The following ATP2A2 variants were observed in gnomAD, a reference collection of about 807,000 sequenced individuals.
The protein encoded by ATP2A2 is ATPase sarcoplasmic/endoplasmic reticulum Ca2+ transporting 2.
Under a neutral mutation model 109.3 loss-of-function variants are expected in ATP2A2, and 14 were observed. That is an observed-to-expected ratio of 0.13 (90% CI 0.08 to 0.20). The LOEUF is 0.20. ATP2A2 is among the 10% of genes least tolerant of loss of function. ATP2A2 has a pLI of 1.00. For missense variants in ATP2A2, 657 were observed against 1,321.6 expected, an observed-to-expected ratio of 0.50 and a Z score of 7.80; for synonymous variants, 506 against 490.9, an observed-to-expected ratio of 1.03 and a Z score of -0.41.
At chr12:110,291,992 A>C in intron 3 of ATP2A2, 28 bp from the exon 4 acceptor site, 3 of 1,588,240 alleles carry the variant, frequency 1.9e-6, no homozygotes, top group Non-Finnish European at 2.6e-6. Flanking sequence ...CTAAAAAGAC[A>C]CATTCTAACG....
In ATP2A2 at chr12:110,349,013, G is replaced by T; in HGVS notation, c.*2543G>T. 2 of 985,324 alleles carry T rather than the reference G, an allele frequency of 2.0e-6. No homozygotes were observed. Among genetic ancestry groups the T allele is most frequent in the Non-Finnish European group, 2.4e-6 (2 of 829,936 alleles). 61.0% of individuals were successfully genotyped at this position (985,324 alleles called of 1,614,324 possible). A position where few individuals can be genotyped will look rare whatever the true frequency, so the allele number is the denominator to read the frequency against. On this transcript the variant is annotated 3_prime_UTR_variant, in exon 20 of 20. Coordinates refer to ENST00000539276, the MANE Select transcript of ATP2A2 (RefSeq NM_170665.4). ...GTTGAGTAGTGTGTGGCCTGCTGTC[G>T]CACAGCCCCTAGTTAGCTTCATGGT...
intron 8 of ATP2A2, among the ~76,000 whole-genome samples, chr12:110,329,143 A>T (rs1396796481): frequency 6.6e-6 from 1 of 152,252 alleles, no homozygotes; most frequent in East Asian, 1.9e-4. Flanking sequence ...ATCCTCCAGT[A>T]TACTTGAAAA....
upstream of ATP2A2, chr12:110,280,862 C>T (rs959508391): frequency 1.3e-5 from 2 of 152,428 alleles, no homozygotes; most frequent in Admixed American, 6.5e-5. Flanking sequence ...CGAGACGCCC[C>T]GCGTGGACCG....
In ATP2A2 at chr12:110,342,215, C is replaced by G; in HGVS notation, c.2098-13C>G. ...TGCCAGTTGGCTGACCCAACCATTG[C>G]TTTCCCTTTCAGACTGGCGATGGCG... is the stretch of plus-strand genomic sequence containing the variant. On this transcript the variant is annotated splice_polypyrimidine_tract_variant and intron_variant, in intron 14 of 19. Coordinates refer to ENST00000539276, the MANE Select transcript of ATP2A2 (RefSeq NM_170665.4). The surrounding 1 kb of genome is among the most constrained non-coding windows in gnomAD (Gnocchi z 4.6). The G allele has an allele frequency of 6.2e-7, 1 of 1,614,230 alleles. No homozygotes were observed.
At chr12:110,284,362 C>G (rs889349110) in intron 3 of ATP2A2, among the ~76,000 whole-genome samples, 3 of 152,144 alleles carry the variant, frequency 2.0e-5, no homozygotes, top group Admixed American at 6.6e-5. Flanking sequence ...CCGATAAGGT[C>G]ATTGGGAACT....
At chr12:110,297,083 C>T (rs1334114323) in intron 5 of ATP2A2, among the ~76,000 whole-genome samples, 3 of 152,158 alleles carry the variant, frequency 2.0e-5, no homozygotes, top group Non-Finnish European at 4.4e-5. Flanking sequence ...AATGACGACA[C>T]AGTTTTTCCT....
intron 11 of ATP2A2, among the ~76,000 whole-genome samples, chr12:110,335,829 G>A (rs1017955024): frequency 2.6e-5 from 4 of 152,232 alleles, no homozygotes; most frequent in Admixed American, 6.5e-5. Context: ...CAAAGTCTAT[G>A]TCTGGTTCCT....
Position 110,343,345 on chromosome 12 carries a change from C to T in ATP2A2, c.2432C>T (p.Pro811Leu). The T allele has an allele frequency of 6.2e-7, 1 of 1,614,204 alleles. No homozygotes were observed. The highest frequency in any genetic ancestry group is 8.5e-7 in the Non-Finnish European group (1 of 1,180,054). ...LPATALGFNP[P>L]DLDIMNKPPR... ...GCCACTGCACTGGGGTTCAACCCTCCTGATCTGGACATCATGAATAAACCT... is the reference window on the plus strand; with the variant it reads ...GCCACTGCACTGGGGTTCAACCCTCTTGATCTGGACATCATGAATAAACCT... The change falls in exon 16 of 20, where the codon CCT (proline) becomes CTT (leucine). Residue 811 changes from proline to leucine, a missense_variant. Physicochemically the swap from Pro to Leu is moderately conservative, Grantham distance 98 (BLOSUM62 -3). Transcript: ENST00000539276.
At chr12:110,308,725 A>G (rs1875649180) in intron 5 of ATP2A2, among the ~76,000 whole-genome samples, 2 of 152,240 alleles carry the variant, frequency 1.3e-5, no homozygotes, top group South Asian at 2.1e-4. Context: ...TGAAAACTAT[A>G]GAGTGAACTT....
In ATP2A2 at chr12:110,292,004, G is replaced by T; in HGVS notation, c.220-16G>T. On this transcript the variant is annotated splice_polypyrimidine_tract_variant and intron_variant, in intron 3 of 19. Coordinates refer to ENST00000539276, the MANE Select transcript of ATP2A2 (RefSeq NM_170665.4). ...AGCCTAAAAAGACACATTCTAACGTGCCATTTCTCTTCTAGGTTTTGGCTT... is the reference window on the plus strand; with the variant it reads ...AGCCTAAAAAGACACATTCTAACGTTCCATTTCTCTTCTAGGTTTTGGCTT... 6.2e-7 allele frequency: 1 copy of T among 1,604,168 alleles called. No homozygotes were observed. The highest frequency in any genetic ancestry group is 8.5e-7 in the Non-Finnish European group (1 of 1,170,998).
At chr12:110,317,522 C>A (rs575815975) in intron 5 of ATP2A2, among the ~76,000 whole-genome samples, 4 of 151,626 alleles carry the variant, frequency 2.6e-5, no homozygotes, top group Non-Finnish European at 4.4e-5. Flanking sequence ...CAATTATAGG[C>A]GCCCGCCACC....
At chr12:110,293,848 G>GT (rs1445469918) in intron 4 of ATP2A2, among the ~76,000 whole-genome samples, 1 of 121,590 alleles carries the variant, frequency 8.2e-6, no homozygotes, top group African/African-American at 3.6e-5. Flanking sequence ...GTGTGTGTGT[G>GT]TGTGTGTGTG....
At chr12:110,337,651 G>T (rs1033067465) in intron 11 of ATP2A2, among the ~76,000 whole-genome samples, 2 of 152,188 alleles carry the variant, frequency 1.3e-5, no homozygotes, top group East Asian at 3.8e-4. Context: ...TGTTCTTGGG[G>T]ATTTCTATGA....
Position 110,334,092 on chromosome 12 carries a change from T to C in ATP2A2, c.1368T>C (p.Asp456=), listed in dbSNP as rs1592852528. 6.2e-7 allele frequency: 1 copy of C among 1,614,168 alleles called. No homozygotes were observed. The highest frequency in any genetic ancestry group is 8.5e-7 in the Non-Finnish European group (1 of 1,180,048). The change falls in exon 11 of 20, where the codon GAT becomes GAC. Residue 456 remains aspartate (D), a synonymous_variant. Transcript: ENST00000539276. ...TAGTAGAGAAGATGAATGTATTTGA[T>C]ACCGAATTGAAGGGTCTTTCTAAAA... ...TCLVEKMNVF[D]TELKGLSKIE...
At chr12:110,302,607 ATT>A (rs1016309909) in intron 5 of ATP2A2, among the ~76,000 whole-genome samples, 17 of 150,184 alleles carry the variant, frequency 1.1e-4, no homozygotes, top group Admixed American at 1.3e-4. Flanking sequence ...TATTATTATT[ATT>A]ACTATTTTGA....
In ATP2A2 at chr12:110,350,419, T is replaced by TA. The variant is rs1566247848; in HGVS notation, c.*3955dup. On this transcript the variant is annotated 3_prime_UTR_variant, in exon 20 of 20. Transcript: ENST00000539276. ...GACTGATGTTGGGGAAAAAGAAAAG[T>TA]AAAAAACTTCCCAACTCACTTTGTG... The TA allele has an allele frequency of 1.9e-6, 3 of 1,556,328 alleles. No individual in the cohort carries two copies. The highest frequency in any genetic ancestry group is 2.7e-6 in the Non-Finnish European group (3 of 1,130,238).
At position 110,343,351 on chromosome 12, in the gene ATP2A2, T is replaced by G. The variant is rs780991924; in HGVS notation, c.2438T>G (p.Leu813Arg). ...GCACTGGGGTTCAACCCTCCTGATCTGGACATCATGAATAAACCTCCCCGG... is the reference window on the plus strand; with the variant it reads ...GCACTGGGGTTCAACCCTCCTGATCGGGACATCATGAATAAACCTCCCCGG... ...ATALGFNPPDLDIMNKPPRNP... is the reference protein window; with the variant it reads ...ATALGFNPPDRDIMNKPPRNP... Residue 813 changes from leucine (L) to arginine (R), a missense_variant, in exon 16 of 20, where the codon CTG becomes CGG. Coordinates refer to ENST00000539276, the MANE Select transcript of ATP2A2 (RefSeq NM_170665.4). 1 of 1,614,228 alleles carries G rather than the reference T, an allele frequency of 6.2e-7. No homozygotes were observed. The highest frequency in any genetic ancestry group is 2.2e-5 in the East Asian group (1 of 44,884).
intron 4 of ATP2A2, among the ~76,000 whole-genome samples, chr12:110,294,799 T>C (rs1873786729): frequency 6.6e-6 from 1 of 152,164 alleles, no homozygotes; most frequent in South Asian, 2.1e-4. Context: ...TAGTCTTTTA[T>C]TTCTGACCAG....
At chr12:110,312,281 G>T (rs1434530228) in intron 5 of ATP2A2, among the ~76,000 whole-genome samples, 1 of 152,046 alleles carries the variant, frequency 6.6e-6, no homozygotes, top group East Asian at 1.9e-4. Context: ...AATTACCTGG[G>T]GATGTTGTTA....
Sources: gnomAD v4.1 joint callset for allele counts (sites outside exome capture counted in the v4.1 genomes callset) on GRCh38, gnomAD v4.1.1 for gene constraint, Gnocchi (gnomAD v3.1) non-coding constraint, MANE v1.5 for transcripts, NCBI Gene and HGNC (gene_info 2026-07-23, HGNC 2026-07-21) for gene names.